The following PVALEF variants were observed in gnomAD, a reference collection of about 807,000 sequenced individuals.
PVALEF encodes parvalbumin-like EF-hand-containing protein.
Under a neutral mutation model 1.2 loss-of-function variants are expected in PVALEF, and 2 were observed. The observed-to-expected ratio is 1.68, with a 90% CI of 0.69 to 5.28. The LOEUF is 5.28. Among genes scored for constraint, PVALEF ranks in the 30% most tolerant of loss-of-function variants. The pLI is 0.06. For missense variants in PVALEF, 35 were observed against 17.7 expected, an observed-to-expected ratio of 1.97 and a Z score of -1.75; for synonymous variants, 16 against 6.5, an observed-to-expected ratio of 2.47 and a Z score of -2.24.
intron 3 of PVALEF, among the ~76,000 whole-genome samples, chr17:81,179,724 G>A (rs2061547249): frequency 6.6e-6 from 1 of 152,200 alleles, no homozygotes; most frequent in South Asian, 2.1e-4. Context: ...CTGGGTGGCA[G>A]AGGCTAGTTG....
At chr17:81,171,935 G>A (rs1012104706) in intron 2 of PVALEF, among the ~76,000 whole-genome samples, 1 of 152,130 alleles carries the variant, frequency 6.6e-6, no homozygotes, top group African/African-American at 2.4e-5. Flanking sequence ...GAAACCCCAG[G>A]CCCCTCAGAC....
intron 2 of PVALEF, among the ~76,000 whole-genome samples, chr17:81,170,590 G>A (rs2061517571): frequency 6.6e-6 from 1 of 152,136 alleles, no homozygotes; most frequent in Non-Finnish European, 1.5e-5. Flanking sequence ...GAGGCAAAGT[G>A]GGGAACATGC....
At chr17:81,167,941 C>T (rs777187827) in intron 2 of PVALEF, among the ~76,000 whole-genome samples, 4 of 152,188 alleles carry the variant, frequency 2.6e-5, no homozygotes, top group African/African-American at 4.8e-5. Flanking sequence ...CAGTGCCCAC[C>T]CAGTGGCAGG....
chr17:81,170,293 A>G (rs2146443658), intron 2 of PVALEF, among the ~76,000 whole-genome samples: 1 of 145,228 alleles, frequency 6.9e-6, no homozygotes, highest in Middle Eastern at 4.1e-3. Flanking sequence ...GTGTGTTGGT[A>G]TATGTGTGTC....
At chr17:81,177,481 G>A (rs1050401059) in intron 2 of PVALEF, among the ~76,000 whole-genome samples, 1 of 151,126 alleles carries the variant, frequency 6.6e-6, no homozygotes, top group Non-Finnish European at 1.5e-5. Flanking sequence ...CCGGGAGGCG[G>A]AGGTTGCAGG....
intron 6 of PVALEF, among the ~76,000 whole-genome samples, 159 bp downstream of exon 6, chr17:81,182,240 G>A (rs1189852427): frequency 6.6e-6 from 1 of 152,234 alleles, no homozygotes; most frequent in Non-Finnish European, 1.5e-5. Flanking sequence ...CTCTTCCCTG[G>A]GCCAAGGGCC....
At chr17:81,181,844 T>C (rs112815668) in intron 5 of PVALEF, 122 bp from the exon 6 acceptor site, 32,041 of 397,756 alleles carry the variant, frequency 0.081, 1,862 homozygotes, top group East Asian at 0.2. Context: ...CCCAGGAGGC[T>C]CAGAGGCCCA....
intron 2 of PVALEF, among the ~76,000 whole-genome samples, chr17:81,175,435 T>C (rs2061533407): frequency 6.6e-6 from 1 of 152,134 alleles, no homozygotes; most frequent in Admixed American, 6.5e-5. Context: ...AGGAAGCCCA[T>C]CCTAAAATTC....
chr17:81,170,208 G>C (rs1408988750), intron 2 of PVALEF, among the ~76,000 whole-genome samples: 1 of 150,922 alleles, frequency 6.6e-6, no homozygotes. Flanking sequence ...CATATGTGTA[G>C]GTGTGTTGGT....
At position 81,165,545 on chromosome 17, in the gene PVALEF, G is replaced by A. The variant is rs182834668; in HGVS notation, c.-710G>A. 143 of 962,866 alleles carry A rather than the reference G, an allele frequency of 1.5e-4. No homozygotes were observed. In the East Asian group the frequency reaches 7.0e-3, roughly 47 times the overall value. The allele number at this position is 962,866 out of a possible 1,614,324, so 59.6% of individuals were successfully genotyped here. On this transcript the variant is annotated 5_prime_UTR_variant, in exon 1 of 7. Coordinates refer to ENST00000637878, the MANE Select transcript of PVALEF (RefSeq NM_001354639.2). Reference sequence around the variant, plus strand: ...CCTGGGAAGAAGCCTCCCACGCCAGGGCCCCGGACCCAGGAGAGGCCATGG... The same window carrying A: ...CCTGGGAAGAAGCCTCCCACGCCAGAGCCCCGGACCCAGGAGAGGCCATGG...
Position 81,181,696 on chromosome 17 carries a change from T to A in PVALEF, c.242+2T>A. The A allele has an allele frequency of 2.5e-6, 1 of 400,428 alleles. No individual in the cohort carries two copies. The highest frequency in any genetic ancestry group is 4.4e-6 in the Non-Finnish European group (1 of 227,316). The allele number at this position is 400,428 out of a possible 1,614,324, so 24.8% of individuals were successfully genotyped here. On this transcript the variant is annotated splice_donor_variant, in intron 5 of 6. Transcript: ENST00000637878. LOFTEE classifies it high-confidence loss of function. Reference sequence around the variant, plus strand: ...CTTCATTGAGTGGAACGAGATCAAGTAATGGCTGGCGGCCACGGAGGGGTG... The same window carrying A: ...CTTCATTGAGTGGAACGAGATCAAGAAATGGCTGGCGGCCACGGAGGGGTG...
chr17:81,169,551 TG>T (rs1162398681), intron 2 of PVALEF, among the ~76,000 whole-genome samples: 2 of 152,202 alleles, frequency 1.3e-5, no homozygotes, highest in Admixed American at 1.3e-4. Context: ...TGAGCCGAGA[TG>T]GCGCCACTGC....
chr17:81,166,091 G>C, intron 1 of PVALEF: 1 of 776,874 alleles, frequency 1.3e-6, no homozygotes, highest in Non-Finnish European at 1.6e-6. Context: ...GCCGCCGCAG[G>C]TGCGGAGCGC....
chr17:81,171,036 G>T (rs934008749), intron 2 of PVALEF, among the ~76,000 whole-genome samples: 1 of 152,220 alleles, frequency 6.6e-6, no homozygotes, highest in African/African-American at 2.4e-5. Context: ...GCAGGAAGGT[G>T]GGCAGTGCCA....
chr17:81,168,534 G>T (rs1416830454), intron 2 of PVALEF, among the ~76,000 whole-genome samples: 1 of 152,182 alleles, frequency 6.6e-6, no homozygotes, highest in Non-Finnish European at 1.5e-5. Context: ...GCTGGCTTTT[G>T]CCCACGCTGG....
chr17:81,182,475 AC>A (rs1188399536), intron 6 of PVALEF, among the ~76,000 whole-genome samples: 1 of 152,168 alleles, frequency 6.6e-6, no homozygotes, highest in Non-Finnish European at 1.5e-5. Flanking sequence ...GCCTCCAGAC[AC>A]CGCTTGCCCA....
At chr17:81,178,230 C>T (rs2061541849) in intron 2 of PVALEF, among the ~76,000 whole-genome samples, 1 of 152,176 alleles carries the variant, frequency 6.6e-6, no homozygotes, top group Admixed American at 6.5e-5. Context: ...CCAACATGAG[C>T]AGAGGCTACC....
intron 4 of PVALEF, 47 bp downstream of exon 4, chr17:81,181,379 G>A (rs746322988): frequency 9.7e-6 from 6 of 618,868 alleles, no homozygotes; most frequent in South Asian, 3.9e-5. Context: ...GTCCAGCCCC[G>A]CTGTGGTCAG....
At chr17:81,165,889 C>CCTGGGCCCCTCCG in intron 1 of PVALEF, 142 bp downstream of exon 1, 2 of 1,552,700 alleles carry the variant, frequency 1.3e-6, no homozygotes, top group Non-Finnish European at 1.7e-6. Flanking sequence ...GCATCACGTC[C>CCTGGGCCCCTCCG]GCAGCGGAGG....
Sources: gnomAD v4.1 joint callset for allele counts (sites outside exome capture counted in the v4.1 genomes callset) on GRCh38, gnomAD v4.1.1 for gene constraint, MANE v1.5 for transcripts, NCBI Gene and HGNC (gene_info 2026-07-23, HGNC 2026-07-21) for gene names.